Variants in CACNA1E observed in about 807,000 individuals in gnomAD.
The protein encoded by CACNA1E is voltage-dependent R-type calcium channel subunit alpha-1E.
CACNA1E carries 40 observed loss-of-function variants against 259.2 expected under a neutral mutation model. The observed-to-expected ratio is 0.15, with a 90% CI of 0.12 to 0.20. The LOEUF is 0.20. Ranked by LOEUF, CACNA1E falls within the 10% of genes least tolerant of loss-of-function variation. The pLI is 1.00. For synonymous variants in CACNA1E, 1,104 were observed against 1,138.5 expected (o/e 0.97, Z 0.61); for missense variants, 1,874 against 3,040.1 (o/e 0.62, Z 9.02).
chr1:181,766,090 T>C (rs915583527), intron 34 of CACNA1E, among the ~76,000 whole-genome samples: 5 of 152,210 alleles, frequency 3.3e-5, no homozygotes, highest in Non-Finnish European at 7.3e-5. Context: ...TCATTTCACT[T>C]TGATTCCAGA....
chr1:181,620,639 A>G (rs934926422), intron 6 of CACNA1E, among the ~76,000 whole-genome samples: 2 of 152,224 alleles, frequency 1.3e-5, no homozygotes, highest in Non-Finnish European at 2.9e-5. Flanking sequence ...GCAAAGAAGT[A>G]GAAGACTTGG....
At chr1:181,621,513 T>C (rs544675413) in intron 6 of CACNA1E, among the ~76,000 whole-genome samples, 80 of 152,258 alleles carry the variant, frequency 5.3e-4, no homozygotes, top group Non-Finnish European at 1.0e-4. Context: ...CTCTAATACA[T>C]GTAAAAGGGA....
At chr1:181,481,785 G>C (rs189582666), upstream of CACNA1E, among the ~76,000 whole-genome samples, 1 of 152,110 alleles carries the variant, frequency 6.6e-6, no homozygotes, top group East Asian at 1.9e-4. Context: ...TTTCCCTGGG[G>C]CTTGGAGTCC....
At chr1:181,785,888 C>T in intron 43 of CACNA1E, 69 bp downstream of exon 43, 1 of 959,696 alleles carries the variant, frequency 1.0e-6, no homozygotes, top group Non-Finnish European at 1.6e-6. Context: ...GTGCAGACCC[C>T]AAAACTCACT....
At chr1:181,409,335 T>C (rs991314243) in intron 1 of CACNA1E, among the ~76,000 whole-genome samples, 3 of 152,234 alleles carry the variant, frequency 2.0e-5, no homozygotes, top group African/African-American at 7.2e-5. Flanking sequence ...ATTTAAATGC[T>C]ACCCTTAAGT....
chr1:181,424,444 T>C (rs938828486), intron 2 of CACNA1E, among the ~76,000 whole-genome samples: 1 of 152,230 alleles, frequency 6.6e-6, no homozygotes, highest in African/African-American at 2.4e-5. Flanking sequence ...TCCGCAGTTC[T>C]AGAAATGCTT....
intron 1 of CACNA1E, among the ~76,000 whole-genome samples, chr1:181,504,648 C>T (rs576171640): frequency 1.2e-4 from 19 of 152,312 alleles, no homozygotes; most frequent in African/African-American, 2.2e-4. Context: ...CCCAGGGCTC[C>T]GGTGACAGCA....
intron 7 of CACNA1E, among the ~76,000 whole-genome samples, chr1:181,688,769 T>C (rs1448544526): frequency 6.6e-6 from 1 of 152,172 alleles, no homozygotes; most frequent in African/African-American, 2.4e-5. Context: ...AACTGCAATT[T>C]TTACCATTTG....
intron 7 of CACNA1E, among the ~76,000 whole-genome samples, chr1:181,665,756 T>C (rs1294706538): frequency 6.6e-6 from 1 of 151,966 alleles, no homozygotes; most frequent in Non-Finnish European, 1.5e-5. Context: ...AATTAAAAAA[T>C]AAAAACAAAT....
chr1:181,411,030 C>T (rs1047416943), intron 1 of CACNA1E, among the ~76,000 whole-genome samples: 4 of 152,174 alleles, frequency 2.6e-5, no homozygotes, highest in African/African-American at 9.6e-5. Context: ...CAGAGTTCCT[C>T]TGAGCATGTA....
chr1:181,323,306 A>G (rs1650513763), intron 1 of CACNA1E, among the ~76,000 whole-genome samples: 1 of 152,210 alleles, frequency 6.6e-6, no homozygotes, highest in African/African-American at 2.4e-5. Context: ...TTCTTTTATC[A>G]AATTATATAT....
intron 6 of CACNA1E, among the ~76,000 whole-genome samples, chr1:181,603,031 G>C (rs4651110): frequency 1 from 151,716 of 152,258 alleles, 75,590 homozygotes; most frequent in Middle Eastern, 1. Context: ...GGTGCCGTAA[G>C]AAGCCTTAAA....
rs374029166 is a variant in CACNA1E at position 181,484,629 on chromosome 1, G to A, written c.266+619G>A. On this transcript the variant is annotated intron_variant, in intron 1 of 47. Transcript: ENST00000367573. ...TGGCATGAGTGAGTGTCTGTCAGGG[G>A]AGGTGATCTCTGTTGCCACAGCCCA... 3.9e-5 allele frequency among the ~76,000 whole-genome samples: 6 copies of A among 152,356 alleles called. No individual in the cohort carries two copies. In the East Asian group the frequency reaches 9.6e-4, roughly 24 times the overall value.
At chr1:181,765,048 A>G (rs1246133020) in intron 34 of CACNA1E, among the ~76,000 whole-genome samples, 1 of 152,136 alleles carries the variant, frequency 6.6e-6, no homozygotes, top group Non-Finnish European at 1.5e-5. Context: ...TCTGTGACAC[A>G]GTATAGAAGT....
At chr1:181,432,499 A>G (rs1221505352) in intron 2 of CACNA1E, among the ~76,000 whole-genome samples, 4 of 152,254 alleles carry the variant, frequency 2.6e-5, no homozygotes, top group Non-Finnish European at 4.4e-5. Flanking sequence ...ACAGTTTTCA[A>G]AGTAACAAAG....
chr1:181,699,353 A>G (rs943701310), intron 7 of CACNA1E, among the ~76,000 whole-genome samples: 5 of 152,226 alleles, frequency 3.3e-5, no homozygotes, highest in African/African-American at 1.2e-4. Context: ...GACAGATGTT[A>G]TTAATGAAAT....
intron 2 of CACNA1E, among the ~76,000 whole-genome samples, chr1:181,432,824 ATT>A (rs1381318240): frequency 6.6e-6 from 1 of 152,216 alleles, no homozygotes; most frequent in Non-Finnish European, 1.5e-5. Flanking sequence ...TAAAAATAAT[ATT>A]TGAGCCACCT....
At chr1:181,730,173 C>A (rs1655333214) in intron 18 of CACNA1E, among the ~76,000 whole-genome samples, 1 of 152,188 alleles carries the variant, frequency 6.6e-6, no homozygotes, top group South Asian at 2.1e-4. Context: ...TGAAAGATGG[C>A]AGTTGAGGGG....
intron 21 of CACNA1E, among the ~76,000 whole-genome samples, chr1:181,734,221 G>A (rs1420424968): frequency 6.6e-6 from 1 of 151,324 alleles, no homozygotes; most frequent in African/African-American, 2.5e-5. Flanking sequence ...TGTACTAGAT[G>A]ATCTCTGAGG....
Sources: gnomAD v4.1 joint callset for allele counts (sites outside exome capture counted in the v4.1 genomes callset) on GRCh38, gnomAD v4.1.1 for gene constraint, MANE v1.5 for transcripts, NCBI Gene and HGNC (gene_info 2026-07-23, HGNC 2026-07-21) for gene names.